The following DUSP22 variants were observed in gnomAD, a reference collection of about 807,000 sequenced individuals.
The protein encoded by DUSP22 is dual specificity phosphatase 22, also known as dual specificity protein phosphatase 22.
In DUSP22, 24 loss-of-function variants were observed where a neutral mutation model predicts 24.5. The observed-to-expected ratio is 0.98, with a 90% CI of 0.71 to 1.38. The LOEUF is 1.38. Ranked by LOEUF, DUSP22 falls within the 40% of genes most tolerant of loss-of-function variation. The probability of loss-of-function intolerance (pLI) is 0.00; values close to 1 mark genes in which losing one functional copy is unlikely to be tolerated. For synonymous variants in DUSP22, 160 were observed against 106.4 expected, an observed-to-expected ratio of 1.50 and a Z score of -3.10; for missense variants, 330 against 269.2, an observed-to-expected ratio of 1.23 and a Z score of -1.58.
At chr6:340,177 A>C (rs1001103712) in intron 4 of DUSP22, among the ~76,000 whole-genome samples, 4 of 152,302 alleles carry the variant, frequency 2.6e-5, no homozygotes, top group Admixed American at 6.5e-5. Context: ...GAAAAGTACA[A>C]TATATGCATC....
intron 4 of DUSP22, among the ~76,000 whole-genome samples, chr6:344,317 G>A (rs57650392): frequency 5.3e-5 from 8 of 152,294 alleles, no homozygotes; most frequent in Non-Finnish European, 7.3e-5. Flanking sequence ...ACAGGGTCTC[G>A]CTGTGTCGCT....
At chr6:322,754 C>G (rs1561663707) in intron 3 of DUSP22, among the ~76,000 whole-genome samples, 1 of 148,562 alleles carries the variant, frequency 6.7e-6, no homozygotes, top group Non-Finnish European at 1.5e-5. Context: ...TAGCAGAAAG[C>G]TTAAGCATCA....
At chr6:318,507 T>C (rs11755750) in intron 3 of DUSP22, among the ~76,000 whole-genome samples, 1,857 of 151,678 alleles carry the variant, frequency 0.012, no homozygotes, top group Non-Finnish European at 0.021. Context: ...TTTCCCTAGG[T>C]GACCACAGCA....
Position 328,818 on chromosome 6 carries a change from CAAA to C in DUSP22, c.139-6292_139-6290del, listed in dbSNP as rs1346734092. On this transcript the variant is annotated intron_variant, in intron 3 of 6. Coordinates refer to ENST00000419235, the MANE Select transcript of DUSP22 (RefSeq NM_001286555.3). The stretch of plus-strand genomic sequence containing the variant: ...TTTGGGACTTTTGCTGTGATGCAAA[CAAA>C]AAAGAGAGGAGAGGTCTTGTCTGCT... Among the ~76,000 whole-genome samples, 7 of 152,374 alleles carry C rather than the reference CAAA, an allele frequency of 4.6e-5. No individual in the cohort carries two copies. In the South Asian group the frequency reaches 8.3e-4, roughly 18 times the overall value.
chr6:333,161 C>T (rs561611506), intron 3 of DUSP22, among the ~76,000 whole-genome samples: 9 of 152,412 alleles, frequency 5.9e-5, no homozygotes, highest in African/African-American at 2.2e-4. Context: ...AGAGCACAGC[C>T]CACAAGCCCA....
At chr6:314,578 A>G (rs975629831) in intron 3 of DUSP22, among the ~76,000 whole-genome samples, 48 of 152,404 alleles carry the variant, frequency 3.1e-4, no homozygotes, top group African/African-American at 1.0e-3. Flanking sequence ...GAGGGTATTC[A>G]TATTGTTGGA....
chr6:346,431 C>G (rs899868904), intron 5 of DUSP22, among the ~76,000 whole-genome samples: 1 of 141,388 alleles, frequency 7.1e-6, no homozygotes, highest in African/African-American at 2.6e-5. Context: ...TTTGTGTAGA[C>G]ACACACACAC....
At position 336,879 on chromosome 6, in the gene DUSP22, C is replaced by T. The variant is rs886591402; in HGVS notation, c.188+1716C>T. The stretch of plus-strand genomic sequence containing the variant: ...CGGAAGGAAGTGAGCCACTGCCTTT[C>T]TCTGAAGACCATAGCAATCTTCTGC... On this transcript the variant is annotated intron_variant, in intron 4 of 6. Coordinates refer to ENST00000419235, the MANE Select transcript of DUSP22 (RefSeq NM_001286555.3). 5.2e-5 allele frequency among the ~76,000 whole-genome samples: 8 copies of T among 152,420 alleles called. No homozygotes were observed. In the East Asian group the frequency reaches 1.5e-3, roughly 29 times the overall value.
chr6:296,936 C>G (rs1432672169), intron 1 of DUSP22, among the ~76,000 whole-genome samples: 24 of 152,302 alleles, frequency 1.6e-4, no homozygotes, highest in African/African-American at 5.1e-4. Flanking sequence ...TGTGTGTCCT[C>G]TGAAAGCACC....
At chr6:337,812 G>A (rs1031804334) in intron 4 of DUSP22, among the ~76,000 whole-genome samples, 2 of 152,308 alleles carry the variant, frequency 1.3e-5, no homozygotes, top group East Asian at 1.9e-4. Flanking sequence ...TCCCAAATAT[G>A]TGAAGAGGTC....
At chr6:315,084 A>G (rs2127400017) in intron 3 of DUSP22, among the ~76,000 whole-genome samples, 1 of 152,424 alleles carries the variant, frequency 6.6e-6, no homozygotes, top group South Asian at 2.1e-4. Context: ...GTGTTTATCC[A>G]CTGGACCATG....
chr6:344,829 C>T (rs1759778639), intron 4 of DUSP22, among the ~76,000 whole-genome samples: 1 of 152,304 alleles, frequency 6.6e-6, no homozygotes, highest in Non-Finnish European at 1.5e-5. Context: ...TTAGATTTTC[C>T]AGATTGCCAG....
At position 345,907 on chromosome 6, in the gene DUSP22, G is replaced by A. The variant is rs1293802551; in HGVS notation, c.242G>A (p.Gly81Asp). The A allele has an allele frequency of 6.2e-7, 1 of 1,614,280 alleles. No individual in the cohort carries two copies. The highest frequency in any genetic ancestry group is 8.5e-7 in the Non-Finnish European group (1 of 1,180,032). Residue 81 changes from glycine (G) to aspartate (D), a missense_variant, in exon 5 of 7, where the codon GGT becomes GAT. Gly to Asp is a moderately conservative substitution (Grantham distance 94). Coordinates refer to ENST00000419235, the MANE Select transcript of DUSP22 (RefSeq NM_001286555.3). ...IKFIHECRLR[G>D]ESCLVHCLAG... is the part of the protein sequence containing the mutation. The stretch of plus-strand genomic sequence containing the variant: ...TTCATTCACGAGTGCCGGCTCCGCG[G>A]TGAGAGCTGCCTTGTACACTGGTAC...
In DUSP22 at chr6:341,523, T is replaced by G. The variant is rs1440645524; in HGVS notation, c.189-4331T>G. Among the ~76,000 whole-genome samples the G allele has an allele frequency of 2.6e-5, 4 of 152,302 alleles. No homozygotes were observed. In the East Asian group the frequency reaches 7.7e-4, roughly 29 times the overall value. The stretch of plus-strand genomic sequence containing the variant: ...AAGTGGCAGTGCGCTCGCCTGCCTC[T>G]GGGCTTTTCTTGGAAAAGGCATTTC... On this transcript the variant is annotated intron_variant, in intron 4 of 6. Coordinates refer to ENST00000419235, the MANE Select transcript of DUSP22 (RefSeq NM_001286555.3).
chr6:318,943 A>G (rs1302437971), intron 3 of DUSP22, among the ~76,000 whole-genome samples: 1 of 152,296 alleles, frequency 6.6e-6, no homozygotes, highest in African/African-American at 2.4e-5. Context: ...AAGTTATAGG[A>G]TGATACCCAT....
intron 1 of DUSP22, among the ~76,000 whole-genome samples, chr6:301,678 G>A (rs1310476866): frequency 1.3e-5 from 2 of 152,414 alleles, no homozygotes; most frequent in African/African-American, 2.4e-5. Context: ...GAGGAGGGGA[G>A]CAGAGAATTG....
chr6:309,740 C>A (rs368666441), intron 2 of DUSP22, among the ~76,000 whole-genome samples: 14 of 152,178 alleles, frequency 9.2e-5, no homozygotes, highest in East Asian at 7.7e-4. Context: ...AGGAAGAAAA[C>A]CCTTGTAATT....
At chr6:310,126 A>G (rs1300724953) in intron 2 of DUSP22, among the ~76,000 whole-genome samples, 3 of 152,288 alleles carry the variant, frequency 2.0e-5, no homozygotes, top group Non-Finnish European at 4.4e-5. Flanking sequence ...ACGCCCAGCT[A>G]ATTTTTGTAA....
intron 3 of DUSP22, among the ~76,000 whole-genome samples, chr6:316,710 G>A (rs1458029111): frequency 3.9e-5 from 6 of 152,412 alleles, no homozygotes; most frequent in Non-Finnish European, 8.8e-5. Flanking sequence ...GTGTATTTAA[G>A]CAGAGCACCT....
Sources: gnomAD v4.1 joint callset for allele counts (sites outside exome capture counted in the v4.1 genomes callset) on GRCh38, gnomAD v4.1.1 for gene constraint, MANE v1.5 for transcripts, NCBI Gene and HGNC (gene_info 2026-07-23, HGNC 2026-07-21) for gene names.